Variants in LINGO2 observed in about 807,000 individuals in gnomAD.
The protein encoded by LINGO2 is leucine-rich repeat and immunoglobulin-like domain-containing nogo receptor-interacting protein 2.
In LINGO2, 14 loss-of-function variants were observed where a neutral mutation model predicts 30.6. The observed-to-expected ratio is 0.46, with a 90% CI of 0.30 to 0.72. The LOEUF (loss-of-function observed/expected upper bound fraction) is 0.72, where lower values mean the gene tolerates loss of function less well. Among genes scored for constraint, LINGO2 ranks in the 30% least tolerant of loss-of-function variants. The probability of loss-of-function intolerance (pLI) is 0.07; values close to 1 mark genes in which losing one functional copy is unlikely to be tolerated. For missense variants in LINGO2, 729 were observed against 751.7 expected (o/e 0.97, Z 0.35); for synonymous variants, 317 against 288.5 (o/e 1.10, Z -1.00).
chr9:28,853,303 C>T, the LINGO2 span, among the ~76,000 whole-genome samples: 1 of 151,992 alleles, frequency 6.6e-6, no homozygotes, highest in Non-Finnish European at 1.5e-5. Flanking sequence ...GTCTTATCTG[C>T]ACTCATACAA....
intron 2 of LINGO2, among the ~76,000 whole-genome samples, chr9:28,390,980 T>A (rs1821808232): frequency 6.6e-6 from 1 of 152,194 alleles, no homozygotes; most frequent in African/African-American, 2.4e-5. Flanking sequence ...ATGTAAAAGT[T>A]ATCTGTTTGC....
chr9:28,687,791 G>A, the LINGO2 span, among the ~76,000 whole-genome samples: 1 of 152,016 alleles, frequency 6.6e-6, no homozygotes, highest in Non-Finnish European at 1.5e-5. Flanking sequence ...TAATGGAAAT[G>A]TACAACAATT....
chr9:28,367,912 T>G (rs1367522986), intron 3 of LINGO2, among the ~76,000 whole-genome samples: 5 of 152,154 alleles, frequency 3.3e-5, no homozygotes, highest in African/African-American at 1.2e-4. Flanking sequence ...TTTTTAATCT[T>G]TTTGTCATTT....
At chr9:28,834,074 A>C in the LINGO2 span, among the ~76,000 whole-genome samples, 1 of 149,610 alleles carries the variant, frequency 6.7e-6, no homozygotes, top group Non-Finnish European at 1.5e-5. Flanking sequence ...TACTCTACTT[A>C]GTGCATGGTA....
At chr9:28,354,732 G>GT (rs1016664666) in intron 3 of LINGO2, among the ~76,000 whole-genome samples, 5 of 152,036 alleles carry the variant, frequency 3.3e-5, no homozygotes, top group Admixed American at 1.3e-4. Flanking sequence ...TTTTATAGCT[G>GT]TTTTTTACCA....
At chr9:28,383,222 T>C (rs1211842663) in intron 2 of LINGO2, among the ~76,000 whole-genome samples, 2 of 151,298 alleles carry the variant, frequency 1.3e-5, no homozygotes, top group African/African-American at 4.9e-5. Context: ...CTCTTTCATT[T>C]CTAAAATTGA....
chr9:28,363,548 C>T (rs780930696), intron 3 of LINGO2, among the ~76,000 whole-genome samples: 1 of 152,156 alleles, frequency 6.6e-6, no homozygotes, highest in Non-Finnish European at 1.5e-5. Flanking sequence ...GACATTCAGG[C>T]AGCATCATCA....
Position 28,201,957 on chromosome 9 carries a change from T to TGGTTCCTTCTGGGGGCTG in LINGO2, c.-87+93233_-87+93250dup, listed in dbSNP as rs1327441041. On this transcript the variant is annotated intron_variant, in intron 4 of 5. Coordinates refer to ENST00000379992, the Ensembl canonical transcript of LINGO2. The stretch of plus-strand genomic sequence containing the variant: ...TTCAAAATCAAGGTGTTAGCAAGGT[T>TGGTTCCTTCTGGGGGCTG]GGTTCCTTCTGGGGGCTGTGTTCCT... 3.4e-4 allele frequency among the ~76,000 whole-genome samples: 52 copies of TGGTTCCTTCTGGGGGCTG among 152,274 alleles called. 1 individual carries two copies. In the East Asian group the frequency reaches 9.3e-3, roughly 27 times the overall value.
chr9:28,481,564 C>T (rs1285222003), intron 1 of LINGO2, among the ~76,000 whole-genome samples: 1 of 152,040 alleles, frequency 6.6e-6, no homozygotes, highest in Non-Finnish European at 1.5e-5. Flanking sequence ...CCCTCTATTA[C>T]TTTCAACTGG....
intron 4 of LINGO2, among the ~76,000 whole-genome samples, chr9:28,103,151 T>C (rs1474807167): frequency 2.6e-5 from 4 of 152,186 alleles, no homozygotes; most frequent in Admixed American, 6.5e-5. Context: ...CTTAAGGTGT[T>C]TAAAGGTAAA....
At chr9:28,391,393 A>G (rs72711455) in intron 2 of LINGO2, among the ~76,000 whole-genome samples, 1 of 152,174 alleles carries the variant, frequency 6.6e-6, no homozygotes, top group Non-Finnish European at 1.5e-5. Flanking sequence ...CTTATTACTT[A>G]TAAACTCAGG....
chr9:29,126,029 A>G, the LINGO2 span, among the ~76,000 whole-genome samples: 8 of 152,122 alleles, frequency 5.3e-5, no homozygotes, highest in African/African-American at 1.9e-4. Flanking sequence ...ACTATTAGAA[A>G]TCTGCTTAAA....
chr9:29,047,650 G>T, the LINGO2 span, among the ~76,000 whole-genome samples: 1 of 152,024 alleles, frequency 6.6e-6, no homozygotes, highest in East Asian at 1.9e-4. Flanking sequence ...GATATAAAGG[G>T]CTTCCAAATT....
chr9:28,373,912 A>C (rs1272803154), intron 2 of LINGO2, among the ~76,000 whole-genome samples: 1 of 151,888 alleles, frequency 6.6e-6, no homozygotes, highest in Non-Finnish European at 1.5e-5. Flanking sequence ...AAAAAAAAAA[A>C]AAAAAGATAT....
chr9:28,848,298 T>C, the LINGO2 span, among the ~76,000 whole-genome samples: 5 of 103,522 alleles, frequency 4.8e-5, no homozygotes, highest in African/African-American at 1.4e-4. Flanking sequence ...CATATATATA[T>C]ACTATATATA....
the LINGO2 span, among the ~76,000 whole-genome samples, chr9:29,095,141 T>C: frequency 1.4e-5 from 2 of 138,804 alleles, 1 homozygote; most frequent in South Asian, 4.5e-4. Flanking sequence ...TTGAGTATTC[T>C]AAGATGTTAT....
the LINGO2 span, chr9:27,939,300 C>T: frequency 4.6e-5 from 7 of 152,220 alleles, no homozygotes; most frequent in African/African-American, 1.7e-4. Flanking sequence ...TTTTCAGTTA[C>T]TTTCAGTTTC....
At chr9:28,747,513 T>A in the LINGO2 span, among the ~76,000 whole-genome samples, 5 of 151,978 alleles carry the variant, frequency 3.3e-5, no homozygotes, top group Admixed American at 2.6e-4. Flanking sequence ...AAGAGCACAG[T>A]GTAGCACACA....
At chr9:27,992,945 A>G (rs549291710) in intron 5 of LINGO2, among the ~76,000 whole-genome samples, 33 of 152,146 alleles carry the variant, frequency 2.2e-4, no homozygotes, top group Non-Finnish European at 3.7e-4. Context: ...TGAAAAGGCA[A>G]CTTGTGAGAA....
Sources: allele counts gnomAD v4.1 joint callset (sites outside exome capture counted in the v4.1 genomes callset), GRCh38; gene constraint gnomAD v4.1.1; transcripts MANE v1.5; gene names NCBI Gene and HGNC (gene_info 2026-07-23, HGNC 2026-07-21).